Variants in CCSER2 observed in about 807,000 individuals in gnomAD.
CCSER2 encodes the protein serine-rich coiled-coil domain-containing protein 2.
In CCSER2, 46 loss-of-function variants were observed where a neutral mutation model predicts 92.3. The ratio of observed to expected loss-of-function variants is 0.50; its 90% confidence interval spans 0.39 to 0.64. CCSER2 has a LOEUF of 0.64. Among genes scored for constraint, CCSER2 ranks in the 30% least tolerant of loss-of-function variants. CCSER2 has a pLI of 0.00. For synonymous variants in CCSER2, 433 were observed against 431.4 expected (o/e 1.00, Z -0.04); for missense variants, 1,244 against 1,238.9 (o/e 1.00, Z -0.06).
chr10:84,410,392 G>A (rs1201884618), intron 3 of CCSER2, among the ~76,000 whole-genome samples: 2 of 152,136 alleles, frequency 1.3e-5, no homozygotes, highest in East Asian at 1.9e-4. Context: ...CAGTGTAAAA[G>A]TGTTCCTTTT....
intron 6 of CCSER2, among the ~76,000 whole-genome samples, chr10:84,462,858 A>G (rs891747559): frequency 1.3e-5 from 2 of 152,230 alleles, no homozygotes; most frequent in Admixed American, 6.5e-5. Context: ...TATTGTAGAC[A>G]TTATCCATGG....
chr10:84,427,355 G>A (rs2133441586), intron 5 of CCSER2, among the ~76,000 whole-genome samples: 1 of 152,204 alleles, frequency 6.6e-6, no homozygotes, highest in South Asian at 2.1e-4. Context: ...GGAATGGGTG[G>A]TACAAAAAGA....
Position 84,513,907 on chromosome 10 carries a change from G to A in CCSER2, c.2784G>A (p.Leu928=). The change falls in exon 10 of 10, where the codon TTG becomes TTA. Residue 928 remains leucine, a synonymous_variant. Coordinates refer to ENST00000372088, the MANE Select transcript of CCSER2 (RefSeq NM_001284240.2). ...KSLQLLKPSI[L]SSLVPPPVSE... ...TGCAGCTTTTAAAGCCATCCATATT[G>A]AGTTCTTTGGTACCGCCTCCAGTTT... 1 of 1,536,496 alleles carries A rather than the reference G, an allele frequency of 6.5e-7. No individual in the cohort carries two copies. The highest frequency in any genetic ancestry group is 8.7e-7 in the Non-Finnish European group (1 of 1,146,974).
chr10:84,463,810 T>TTCTTCACCATGCTAGCATTTGG (rs1224529785), intron 6 of CCSER2, 123 bp from the exon 7 acceptor site: 4 of 617,938 alleles, frequency 6.5e-6, no homozygotes, highest in African/African-American at 5.6e-5. Flanking sequence ...CTCCCATTTG[T>TTCTTCACCATGCTAGCATTTGG]TCTTCACCAT....
intron 6 of CCSER2, among the ~76,000 whole-genome samples, chr10:84,458,646 A>G (rs1282010387): frequency 6.6e-6 from 1 of 152,120 alleles, no homozygotes; most frequent in Non-Finnish European, 1.5e-5. Flanking sequence ...ACAATATTTA[A>G]TCTTTCCATT....
chr10:84,425,953 C>T (rs986590825), intron 5 of CCSER2, 60 bp downstream of exon 5: 43 of 1,260,334 alleles, frequency 3.4e-5, no homozygotes, highest in Middle Eastern at 2.3e-4. Flanking sequence ...TTATAATTCT[C>T]CCTTTCCCAG....
chr10:84,391,964 A>G lies in CCSER2; in HGVS notation c.1614+18149A>G, dbSNP rs1467044335. On this transcript the variant is annotated intron_variant, in intron 3 of 9. Coordinates refer to ENST00000372088, the MANE Select transcript of CCSER2 (RefSeq NM_001284240.2). ...AGATCCTTCATGGATTTAAAAATCA[A>G]GTAGGCGATAAAAATTGGAGGCATT... The G allele has an allele frequency of 3.7e-6, 5 of 1,350,578 alleles. No individual in the cohort carries two copies. In the African/African-American group the frequency reaches 5.8e-5, roughly 16 times the overall value. 83.7% of individuals were successfully genotyped at this position (1,350,578 alleles called of 1,614,324 possible). A position where few individuals can be genotyped will look rare whatever the true frequency, so the allele number is the denominator to read the frequency against.
chr10:84,372,458 T>C lies in CCSER2; in HGVS notation c.1406T>C (p.Ile469Thr), dbSNP rs147804648. 2.9e-5 allele frequency: 45 copies of C among 1,548,170 alleles called. No individual in the cohort carries two copies. The highest frequency in any genetic ancestry group is 3.5e-4 in the Middle Eastern group (2 of 5,760). The part of the protein sequence containing the change: ...AFSKTDEWID[I>T]SVSDRSECTK... ...AGTAAAACTGATGAATGGATAGATA[T>C]AAGTGTCTCTGGTAAATATTACTTA... The change falls in exon 2 of 10, where the codon ATA (isoleucine) becomes ACA (threonine). Residue 469 changes from isoleucine (I) to threonine (T), a missense_variant. By Grantham distance (89) the Ile-to-Thr change is moderately conservative. Coordinates refer to ENST00000372088, the MANE Select transcript of CCSER2 (RefSeq NM_001284240.2).
chr10:84,513,537 G>T lies in CCSER2; in HGVS notation c.2414G>T (p.Arg805Leu), dbSNP rs749846617. The part of the protein sequence containing the change: ...KLIKPQRIEA[R>L]SECSIQDMHQ... ...ATAAAGCCACAACGTATCGAGGCCC[G>T]CAGTGAATGCTCAATCCAAGACATG... The change falls in exon 10 of 10, where the codon CGC (arginine) becomes CTC (leucine). Residue 805 changes from arginine (R) to leucine (L), a missense_variant. Arg to Leu is a moderately radical substitution (Grantham distance 102). Transcript: ENST00000372088. 1 of 1,614,010 alleles carries T rather than the reference G, an allele frequency of 6.2e-7. No homozygotes were observed. The highest frequency in any genetic ancestry group is 8.5e-7 in the Non-Finnish European group (1 of 1,180,010).
chr10:84,504,172 C>T (rs573688210), intron 9 of CCSER2, among the ~76,000 whole-genome samples: 2 of 152,102 alleles, frequency 1.3e-5, no homozygotes, highest in South Asian at 4.1e-4. Context: ...AGTTAAAAAA[C>T]ATTGGTCTAT....
chr10:84,383,459 C>T lies in CCSER2; in HGVS notation c.1614+9644C>T, dbSNP rs768681894. Among the ~76,000 whole-genome samples the T allele has an allele frequency of 2.6e-4, 39 of 151,872 alleles. 1 individual carries two copies. Among genetic ancestry groups the T allele is most frequent in the Non-Finnish European group, 2.2e-4 (15 of 67,966 alleles). On this transcript the variant is annotated intron_variant, in intron 3 of 9. Transcript: ENST00000372088. ...CCAAGTAGCTGGGACTACAGGTGCC[C>T]GCCACCATACCTGGCTGATTTTTTG...
chr10:84,362,683 T>C (rs995603916), intron 1 of CCSER2, among the ~76,000 whole-genome samples: 5 of 152,190 alleles, frequency 3.3e-5, no homozygotes, highest in African/African-American at 7.2e-5. Context: ...AAAGGTCATA[T>C]TGATACAATA....
intron 7 of CCSER2, among the ~76,000 whole-genome samples, chr10:84,466,075 G>T (rs1042305840): frequency 6.6e-6 from 1 of 152,124 alleles, no homozygotes; most frequent in African/African-American, 2.4e-5. Context: ...TTTATTTCTT[G>T]TCCCTGCTCC....
intron 9 of CCSER2, among the ~76,000 whole-genome samples, chr10:84,486,840 C>A (rs560942629): frequency 1.0e-3 from 152 of 152,276 alleles, no homozygotes; most frequent in African/African-American, 3.6e-3. Context: ...CTGAATGGTA[C>A]TGCCTAGGCT....
intron 9 of CCSER2, among the ~76,000 whole-genome samples, chr10:84,490,481 T>G (rs1282607714): frequency 1.3e-5 from 2 of 152,262 alleles, no homozygotes; most frequent in East Asian, 3.8e-4. Context: ...TCGCTTCATT[T>G]CATTCATTTG....
intron 1 of CCSER2, among the ~76,000 whole-genome samples, chr10:84,329,043 C>T (rs926787697): frequency 2.6e-5 from 4 of 151,832 alleles, no homozygotes; most frequent in African/African-American, 9.7e-5. Context: ...GCGGCTGTGA[C>T]AGCGCGGGGC....
At chr10:84,464,998 C>T (rs570310469) in intron 7 of CCSER2, among the ~76,000 whole-genome samples, 1 of 152,098 alleles carries the variant, frequency 6.6e-6, no homozygotes, top group African/African-American at 2.4e-5. Flanking sequence ...ATCTCATTCT[C>T]TCATCTTGGC....
At chr10:84,403,375 G>T (rs1452735735) in intron 3 of CCSER2, among the ~76,000 whole-genome samples, 1 of 152,098 alleles carries the variant, frequency 6.6e-6, no homozygotes, top group Admixed American at 6.6e-5. Context: ...AGGAACTAGG[G>T]CTAAGCAAAG....
chr10:84,345,935 A>G (rs1279914961), intron 1 of CCSER2, among the ~76,000 whole-genome samples: 2 of 152,316 alleles, frequency 1.3e-5, no homozygotes, highest in East Asian at 3.9e-4. Flanking sequence ...AATTAGAGTA[A>G]GACTTTCTAC....
Sources: allele counts gnomAD v4.1 joint callset (sites outside exome capture counted in the v4.1 genomes callset), GRCh38; gene constraint gnomAD v4.1.1; transcripts MANE v1.5; gene names NCBI Gene and HGNC (gene_info 2026-07-23, HGNC 2026-07-21).